The following LDB2 variants were observed in gnomAD, a reference collection of about 807,000 sequenced individuals.
The protein encoded by LDB2 is LIM domain-binding protein 2.
Under a neutral mutation model 44.3 loss-of-function variants are expected in LDB2, and 12 were observed. The ratio of observed to expected loss-of-function variants is 0.27; its 90% confidence interval spans 0.17 to 0.44. The LOEUF is 0.44. Among genes scored for constraint, LDB2 ranks in the 20% least tolerant of loss-of-function variants. LDB2 has a pLI of 1.00. For missense variants in LDB2, 344 were observed against 473.5 expected, an observed-to-expected ratio of 0.73 and a Z score of 2.54; for synonymous variants, 164 against 174.8, an observed-to-expected ratio of 0.94 and a Z score of 0.49.
chr4:16,761,138 G>T lies in LDB2; in HGVS notation c.133-1878C>A, dbSNP rs527948307. 1.5e-3 allele frequency among the ~76,000 whole-genome samples: 221 copies of T among 152,192 alleles called. 2 individuals are homozygous for T. The highest frequency in any genetic ancestry group is 5.0e-3 in the African/African-American group (209 of 41,516). ...ATATTACTCATAAAAGCAGCTCAAT[G>T]AATGAATGAAGCTGCTCATATTATC... On this transcript the variant is annotated intron_variant, in intron 1 of 7. Coordinates refer to ENST00000304523, the MANE Select transcript of LDB2 (RefSeq NM_001290.5).
chr4:16,603,708 A>T (rs1723175778), intron 2 of LDB2, among the ~76,000 whole-genome samples: 1 of 152,158 alleles, frequency 6.6e-6, no homozygotes, highest in Non-Finnish European at 1.5e-5. Flanking sequence ...ATTATGTTAA[A>T]TTCAAAAAAG....
intron 1 of LDB2, among the ~76,000 whole-genome samples, chr4:16,821,671 GA>G (rs1782051879): frequency 2.8e-5 from 4 of 142,032 alleles, no homozygotes; most frequent in Admixed American, 7.4e-5. Context: ...TTACAGGCGT[GA>G]GCCACCGCGC....
chr4:16,817,411 C>G (rs1781147664), intron 1 of LDB2, among the ~76,000 whole-genome samples: 1 of 152,172 alleles, frequency 6.6e-6, no homozygotes, highest in Admixed American at 6.5e-5. Context: ...GACAAATGTC[C>G]TGTCTCTTTG....
At chr4:16,885,829 T>A (rs1721511556) in intron 1 of LDB2, among the ~76,000 whole-genome samples, 1 of 152,224 alleles carries the variant, frequency 6.6e-6, no homozygotes, top group South Asian at 2.1e-4. Flanking sequence ...GATTCAAGAC[T>A]TCTGACTAGT....
At chr4:16,739,183 T>G (rs1267865139) in intron 2 of LDB2, among the ~76,000 whole-genome samples, 2 of 152,048 alleles carry the variant, frequency 1.3e-5, no homozygotes, top group African/African-American at 4.8e-5. Context: ...TTTCTGAAAC[T>G]CCTTTTGATG....
intron 5 of LDB2, among the ~76,000 whole-genome samples, chr4:16,557,055 G>C (rs1257755681): frequency 6.6e-6 from 1 of 152,196 alleles, no homozygotes; most frequent in Non-Finnish European, 1.5e-5. Flanking sequence ...AGAATTTGCA[G>C]AATTTTCATA....
At chr4:16,839,776 C>A (rs1205193309) in intron 1 of LDB2, among the ~76,000 whole-genome samples, 3 of 152,096 alleles carry the variant, frequency 2.0e-5, no homozygotes, top group African/African-American at 4.8e-5. Flanking sequence ...AGGCACTGTG[C>A]CATGAGCTTC....
chr4:16,749,922 A>G (rs1034283049), intron 2 of LDB2, among the ~76,000 whole-genome samples: 2 of 152,212 alleles, frequency 1.3e-5, no homozygotes, highest in Admixed American at 6.5e-5. Context: ...AGTCTTTCCC[A>G]GGCTCAATCT....
chr4:16,586,479 T>C (rs1316524400), intron 4 of LDB2, among the ~76,000 whole-genome samples: 1 of 139,542 alleles, frequency 7.2e-6, no homozygotes, highest in African/African-American at 2.8e-5. Flanking sequence ...TTTGCCACTG[T>C]CTTGAAATAC....
At chr4:16,668,746 C>A (rs1743976569) in intron 2 of LDB2, among the ~76,000 whole-genome samples, 1 of 152,184 alleles carries the variant, frequency 6.6e-6, no homozygotes, top group Non-Finnish European at 1.5e-5. Context: ...TCTCATGCAA[C>A]TGAAAACGCA....
chr4:16,502,733 G>T lies in LDB2; in HGVS notation c.1032C>A (p.Pro344=), dbSNP rs780430326. The T allele has an allele frequency of 1.2e-6, 2 of 1,613,824 alleles. No homozygotes were observed. Residue 344 remains proline, a synonymous_variant, in exon 8 of 8, where the codon CCC becomes CCA. Coordinates refer to ENST00000304523, the MANE Select transcript of LDB2 (RefSeq NM_001290.5). The part of the protein sequence containing the change: ...MDDEEDFNNS[P]ALGNNSPWNS... ...TCCACGGGCTGTTGTTCCCCAGCGC[G>T]GGTGAATTGTTGAAGTCCTCCTCGT...
chr4:16,688,906 T>C (rs1415953833), intron 2 of LDB2, among the ~76,000 whole-genome samples: 25 of 152,284 alleles, frequency 1.6e-4, no homozygotes, highest in Non-Finnish European at 5.9e-5. Flanking sequence ...TAGTTGTGGA[T>C]TCTGCATCAG....
At chr4:16,673,921 C>T (rs1745573040) in intron 2 of LDB2, among the ~76,000 whole-genome samples, 1 of 152,170 alleles carries the variant, frequency 6.6e-6, no homozygotes, top group East Asian at 1.9e-4. Context: ...CATTTCTTCT[C>T]CACTATCAAA....
At chr4:16,750,536 A>G (rs1180302570) in intron 2 of LDB2, among the ~76,000 whole-genome samples, 1 of 152,126 alleles carries the variant, frequency 6.6e-6, no homozygotes, top group Non-Finnish European at 1.5e-5. Context: ...AAACAGAAGC[A>G]AGACTTATGA....
At chr4:16,504,322 A>T (rs1718500529) in intron 7 of LDB2, among the ~76,000 whole-genome samples, 1 of 152,136 alleles carries the variant, frequency 6.6e-6, no homozygotes, top group Non-Finnish European at 1.5e-5. Context: ...TACAATGGAA[A>T]ACCTTGTTTT....
intron 5 of LDB2, among the ~76,000 whole-genome samples, chr4:16,575,152 T>C (rs1408655161): frequency 1.3e-5 from 2 of 152,094 alleles, no homozygotes; most frequent in Admixed American, 1.3e-4. Flanking sequence ...ACAGGCATAT[T>C]TGTAGCTATT....
chr4:16,592,443 G>T (rs943970603), intron 3 of LDB2, among the ~76,000 whole-genome samples: 8 of 128,566 alleles, frequency 6.2e-5, no homozygotes, highest in Non-Finnish European at 7.9e-5. Context: ...ATATGTAAAC[G>T]CATTCATATG....
chr4:16,685,523 C>T (rs1749020509), intron 2 of LDB2, among the ~76,000 whole-genome samples: 1 of 152,136 alleles, frequency 6.6e-6, no homozygotes, highest in Non-Finnish European at 1.5e-5. Flanking sequence ...ATCTCCTCAC[C>T]TGTTGAATGG....
At chr4:16,774,089 A>T (rs1265930627) in intron 1 of LDB2, among the ~76,000 whole-genome samples, 1 of 137,904 alleles carries the variant, frequency 7.3e-6, no homozygotes, top group East Asian at 2.3e-4. Flanking sequence ...AGGGAGGCAG[A>T]GGTTGCAGTG....
Sources: allele counts gnomAD v4.1 joint callset (sites outside exome capture counted in the v4.1 genomes callset), GRCh38; gene constraint gnomAD v4.1.1; transcripts MANE v1.5; gene names NCBI Gene and HGNC (gene_info 2026-07-23, HGNC 2026-07-21).